The following FANCD2 variants were observed in gnomAD, a reference collection of about 807,000 sequenced individuals.
The protein encoded by FANCD2 is Fanconi anemia group D2 protein.
FANCD2 carries 131 observed loss-of-function variants against 192.3 expected under a neutral mutation model. The ratio of observed to expected loss-of-function variants is 0.68; its 90% confidence interval spans 0.59 to 0.79. The LOEUF (loss-of-function observed/expected upper bound fraction) is 0.79, where lower values mean the gene tolerates loss of function less well. Ranked by LOEUF, FANCD2 falls within the 30% of genes least tolerant of loss-of-function variation. The pLI is 0.00. For synonymous variants in FANCD2, 524 were observed against 612.5 expected (o/e 0.86, Z 2.13); for missense variants, 1,508 against 1,701.6 (o/e 0.89, Z 2.00).
chr3:10,088,675 A>G (rs139397618), intron 35 of FANCD2, 133 bp downstream of exon 35: 1 of 1,094,066 alleles, frequency 9.1e-7, no homozygotes, highest in Non-Finnish European at 1.4e-6. Context: ...AATGAACACA[A>G]TTTGGAACAT....
At chr3:10,036,198 C>G (rs550991369) in intron 6 of FANCD2, 89 bp from the exon 7 acceptor site, 2 of 1,071,886 alleles carry the variant, frequency 1.9e-6, no homozygotes, top group Admixed American at 1.8e-5. Context: ...AAGAGGTTCT[C>G]GTGCCTCAGC....
At chr3:10,093,460 C>G in intron 39 of FANCD2, 137 bp downstream of exon 39, 1 of 785,324 alleles carries the variant, frequency 1.3e-6, no homozygotes, top group Non-Finnish European at 2.3e-6. Context: ...TTAGGGAAGG[C>G]AATGGATGCA....
intron 32 of FANCD2, among the ~76,000 whole-genome samples, chr3:10,085,611 C>T (rs1694144954): frequency 1.3e-5 from 2 of 151,966 alleles, no homozygotes; most frequent in South Asian, 2.1e-4. Context: ...AAGATGGTCT[C>T]CATGTGTTGA....
intron 28 of FANCD2, among the ~76,000 whole-genome samples, chr3:10,073,795 G>A (rs536512996): frequency 1.3e-5 from 2 of 152,266 alleles, no homozygotes; most frequent in East Asian, 3.9e-4. Context: ...TTCTGTAAGA[G>A]CCCAAGTTTC....
At chr3:10,070,037 C>A (rs1371755180) in intron 26 of FANCD2, among the ~76,000 whole-genome samples, 26 of 151,682 alleles carry the variant, frequency 1.7e-4, no homozygotes, top group Admixed American at 1.5e-3. Context: ...GCCCGGCCAC[C>A]CATCGTCTGA....
intron 26 of FANCD2, among the ~76,000 whole-genome samples, chr3:10,070,264 G>A (rs1303650729): frequency 1.3e-5 from 2 of 148,450 alleles, no homozygotes; most frequent in Admixed American, 6.7e-5. Context: ...CCCTCCGCCC[G>A]GCAGCCACCC....
chr3:10,078,544 C>G lies in FANCD2; in HGVS notation c.2976+347C>G, dbSNP rs749826479. Among the ~76,000 whole-genome samples, 14 of 151,880 alleles carry G rather than the reference C, an allele frequency of 9.2e-5. 1 individual carries two copies. The highest frequency in any genetic ancestry group is 6.2e-4 in the South Asian group (3 of 4,804). ...TAATTTTTTGTATTTTTTGTAGAGA[C>G]GGGGTTTCACCGTGTTAGCCAGGAT... is the stretch of plus-strand genomic sequence containing the variant. On this transcript the variant is annotated intron_variant, in intron 30 of 43. Coordinates refer to ENST00000675286, the MANE Select transcript of FANCD2 (RefSeq NM_001018115.3).
intron 14 of FANCD2, among the ~76,000 whole-genome samples, chr3:10,044,884 A>C (rs563437411): frequency 3.2e-4 from 48 of 152,252 alleles, no homozygotes; most frequent in African/African-American, 1.1e-3. Flanking sequence ...TATAAATATA[A>C]TTTGTATTCT....
chr3:10,055,925 C>T (rs896373172), intron 18 of FANCD2, among the ~76,000 whole-genome samples: 1 of 152,100 alleles, frequency 6.6e-6, no homozygotes, highest in Non-Finnish European at 1.5e-5. Flanking sequence ...GTCGCCCAGG[C>T]TTGAGTGCAA....
At chr3:10,064,942 T>C in intron 23 of FANCD2, 67 bp downstream of exon 23, 2 of 1,546,204 alleles carry the variant, frequency 1.3e-6, no homozygotes, top group Non-Finnish European at 1.8e-6. Context: ...TCCACAGCTC[T>C]TGGTGGGGAA....
At chr3:10,074,886 C>G (rs1396267485) in intron 29 of FANCD2, among the ~76,000 whole-genome samples, 1 of 152,084 alleles carries the variant, frequency 6.6e-6, no homozygotes, top group Non-Finnish European at 1.5e-5. Flanking sequence ...TATAAAATAT[C>G]ATGCCAATGA....
At chr3:10,056,284 G>T (rs1235736505) in intron 18 of FANCD2, among the ~76,000 whole-genome samples, 4 of 152,238 alleles carry the variant, frequency 2.6e-5, no homozygotes, top group African/African-American at 4.8e-5. Context: ...GTGACCATTG[G>T]TTTACAAATA....
At chr3:10,027,569 A>C (rs963535847) in intron 1 of FANCD2, among the ~76,000 whole-genome samples, 1 of 152,028 alleles carries the variant, frequency 6.6e-6, no homozygotes, top group African/African-American at 2.4e-5. Flanking sequence ...TACCCCTTCT[A>C]CTGGCTAACT....
At chr3:10,041,381 G>A in intron 9 of FANCD2, 2 of 438,206 alleles carry the variant, frequency 4.6e-6, no homozygotes, top group South Asian at 2.2e-5. Flanking sequence ...TGTTCTCTGG[G>A]TAGTGGGGAT....
intron 16 of FANCD2, among the ~76,000 whole-genome samples, chr3:10,049,112 G>A (rs544145440): frequency 4.7e-3 from 702 of 150,586 alleles, no homozygotes; most frequent in Non-Finnish European, 7.0e-3. Context: ...GGAAAACTAC[G>A]CCAAGGAGCA....
At chr3:10,026,814 A>G (rs1472591731) in intron 1 of FANCD2, among the ~76,000 whole-genome samples, 2 of 152,176 alleles carry the variant, frequency 1.3e-5, no homozygotes, top group Non-Finnish European at 2.9e-5. Flanking sequence ...TAGTTTTTCC[A>G]TCTGCAAGAT....
At chr3:10,074,813 A>G in intron 29 of FANCD2, 140 bp downstream of exon 29, 1 of 701,968 alleles carries the variant, frequency 1.4e-6, no homozygotes, top group South Asian at 1.8e-5. Flanking sequence ...GAAAGCAATG[A>G]TGAATAATCA....
At chr3:10,040,503 G>T in intron 9 of FANCD2, 1 of 456,638 alleles carries the variant, frequency 2.2e-6, no homozygotes, top group Non-Finnish European at 4.4e-6. Context: ...CATTTGTGGA[G>T]CCTATTAAAC....
intron 26 of FANCD2, among the ~76,000 whole-genome samples, chr3:10,070,429 G>GC (rs1321003254): frequency 8.7e-6 from 1 of 115,386 alleles, no homozygotes; most frequent in African/African-American, 3.2e-5. Context: ...GGTGAGGGGC[G>GC]CCTCTGCCCA....
Sources: allele counts gnomAD v4.1 joint callset (sites outside exome capture counted in the v4.1 genomes callset), GRCh38; gene constraint gnomAD v4.1.1; transcripts MANE v1.5; gene names NCBI Gene and HGNC (gene_info 2026-07-23, HGNC 2026-07-21).